OTUD7A: variants seen among roughly 807,000 people sequenced by gnomAD.
The protein encoded by OTUD7A is OTU deubiquitinase 7A.
OTUD7A carries 12 observed loss-of-function variants against 65.7 expected under a neutral mutation model. The ratio of observed to expected loss-of-function variants is 0.18; its 90% CI spans 0.12 to 0.30. OTUD7A has a LOEUF of 0.30. OTUD7A is among the 10% of genes least tolerant of loss of function. OTUD7A has a pLI of 1.00. For missense variants in OTUD7A, 1,148 were observed against 1,304.8 expected, an observed-to-expected ratio of 0.88 and a Z score of 1.85; for synonymous variants, 641 against 586.3, an observed-to-expected ratio of 1.09 and a Z score of -1.35.
chr15:31,675,135 A>G (rs1595701794), intron 1 of OTUD7A, among the ~76,000 whole-genome samples: 2 of 150,554 alleles, frequency 1.3e-5, no homozygotes, highest in African/African-American at 5.0e-5. Context: ...CCATTTATAA[A>G]CATAGATGTA....
Position 31,503,838 on chromosome 15 carries a change from C to G in OTUD7A, c.894-20G>C. On this transcript the variant is annotated intron_variant, in intron 8 of 12. Transcript: ENST00000307050. ...TCCACACTGTGAAACAAAACAGAGCCAGCTGGTCACTGACTAAAACAGGGT... is the reference window on the plus strand; with the variant it reads ...TCCACACTGTGAAACAAAACAGAGCGAGCTGGTCACTGACTAAAACAGGGT... The G allele has an allele frequency of 6.2e-7, 1 of 1,613,838 alleles. No homozygotes were observed. The highest frequency in any genetic ancestry group is 8.5e-7 in the Non-Finnish European group (1 of 1,179,952).
intron 3 of OTUD7A, among the ~76,000 whole-genome samples, chr15:31,629,728 G>A (rs1465284830): frequency 6.6e-6 from 1 of 151,984 alleles, no homozygotes; most frequent in Admixed American, 6.6e-5. Flanking sequence ...GGTCCTGGAC[G>A]TTTTTGGTTG....
At chr15:31,577,494 C>T (rs1014013536) in intron 3 of OTUD7A, among the ~76,000 whole-genome samples, 3 of 152,152 alleles carry the variant, frequency 2.0e-5, no homozygotes, top group Non-Finnish European at 4.4e-5. Flanking sequence ...ATCTTTGAGA[C>T]GTCCCACCTT....
chr15:31,604,427 C>T (rs1890174868), intron 3 of OTUD7A, among the ~76,000 whole-genome samples: 1 of 151,760 alleles, frequency 6.6e-6, no homozygotes. Context: ...GGGAACATCA[C>T]ACATCGGGGC....
In OTUD7A at chr15:31,484,664, C is replaced by T. The variant is rs1449566409; in HGVS notation, c.1432G>A (p.Ala478Thr). Residue 478 changes from alanine (A) to threonine (T), a missense_variant, in exon 13 of 13, where the codon GCC (alanine) becomes ACC (threonine). Coordinates refer to ENST00000307050, the MANE Select transcript of OTUD7A (RefSeq NM_001382637.1). The surrounding 1 kb of genome is among the most constrained non-coding windows in gnomAD (Gnocchi z 4.5). The stretch of plus-strand genomic sequence containing the variant: ...TCGCGGTCCGAGTCCAGCGAGTCGG[C>T]CAGGGACTGCACGTCCTCCCCTGCC... The part of the protein sequence containing the change: ...ASAGEDVQSL[A>T]DSLDSDRDSV... 2 of 1,582,254 alleles carry T rather than the reference C, an allele frequency of 1.3e-6. No individual in the cohort carries two copies. Among genetic ancestry groups the T allele is most frequent in the African/African-American group, 1.3e-5 (1 of 74,572 alleles).
chr15:31,748,064 C>T (rs927149854), intron 1 of OTUD7A, among the ~76,000 whole-genome samples: 5 of 152,024 alleles, frequency 3.3e-5, no homozygotes, highest in Admixed American at 1.3e-4. Flanking sequence ...TTAAGTGCAA[C>T]CTAAGATCCT....
In OTUD7A at chr15:31,483,803, C is replaced by T; in HGVS notation, c.2293G>A (p.Val765Met). Residue 765 changes from valine (V) to methionine (M), a missense_variant, in exon 13 of 13, where the codon GTG (valine) becomes ATG (methionine). Coordinates refer to ENST00000307050, the MANE Select transcript of OTUD7A (RefSeq NM_001382637.1). ...GARRASASGPVPGRSPPAPAR... is the reference protein window; with the variant it reads ...GARRASASGPMPGRSPPAPAR... ...GGCGCCGGGGGGCTGCGGCCAGGCA[C>T]TGGTCCGCTGGCGCTCGCACGCCGC... 3 of 1,015,190 alleles carry T rather than the reference C, an allele frequency of 3.0e-6. No homozygotes were observed. The highest frequency in any genetic ancestry group is 3.5e-6 in the Non-Finnish European group (3 of 851,402). 62.9% of individuals were successfully genotyped at this position (1,015,190 alleles called of 1,614,324 possible).
chr15:31,804,113 C>T lies in OTUD7A; in HGVS notation c.-100+66394G>A, dbSNP rs563728789. Among the ~76,000 whole-genome samples, 11 of 152,322 alleles carry T rather than the reference C, an allele frequency of 7.2e-5. 1 individual carries two copies. The South Asian group carries it at 2.3e-3, about 32-fold the overall frequency. On this transcript the variant is annotated intron_variant, in intron 1 of 12. Transcript: ENST00000307050. Reference sequence around the variant, plus strand: ...TCATTACACAGTCCTCAGCCTTTACCTACTATTCACCCCTAACTCTTCAGG... The same window carrying T: ...TCATTACACAGTCCTCAGCCTTTACTTACTATTCACCCCTAACTCTTCAGG...
chr15:31,629,713 C>T (rs187820740), intron 3 of OTUD7A, among the ~76,000 whole-genome samples: 63 of 152,262 alleles, frequency 4.1e-4, no homozygotes, highest in East Asian at 1.9e-3. Flanking sequence ...GCTGTGAATC[C>T]ATCTGGTCCT....
chr15:31,745,391 T>C (rs117911185), intron 1 of OTUD7A, among the ~76,000 whole-genome samples: 5,740 of 152,064 alleles, frequency 0.038, 162 homozygotes, highest in Non-Finnish European at 0.052. Flanking sequence ...TAGTACAAAA[T>C]ACAGGAGAGC....
chr15:31,669,066 A>C (rs1892408458), intron 1 of OTUD7A, among the ~76,000 whole-genome samples: 1 of 152,184 alleles, frequency 6.6e-6, no homozygotes, highest in African/African-American at 2.4e-5. Context: ...GGTGGGGTCA[A>C]ATGGACTCTG....
At chr15:31,581,234 T>C (rs1889361731) in intron 3 of OTUD7A, among the ~76,000 whole-genome samples, 1 of 152,230 alleles carries the variant, frequency 6.6e-6, no homozygotes, top group Admixed American at 6.5e-5. Flanking sequence ...CTTGGGCAGC[T>C]CCACCCTGTG....
chr15:31,808,136 C>CACACAAAAAAAAA (rs772574742), intron 1 of OTUD7A, among the ~76,000 whole-genome samples: 3 of 119,414 alleles, frequency 2.5e-5, no homozygotes, highest in African/African-American at 5.6e-5. Context: ...CACACACACA[C>CACACAAAAAAAAA]AAACAAATCC....
intron 8 of OTUD7A, among the ~76,000 whole-genome samples, chr15:31,504,762 T>A (rs2041533662): frequency 6.6e-6 from 1 of 152,200 alleles, no homozygotes; most frequent in Non-Finnish European, 1.5e-5. Flanking sequence ...GCTTCATGGG[T>A]TCATGGGCAC....
Position 31,618,044 on chromosome 15 carries a change from T to C in OTUD7A, c.151+37052A>G, listed in dbSNP as rs532232228. Among the ~76,000 whole-genome samples the C allele has an allele frequency of 3.3e-5, 5 of 152,202 alleles. No individual in the cohort carries two copies. The South Asian group carries it at 1.0e-3, about 32-fold the overall frequency. On this transcript the variant is annotated intron_variant, in intron 3 of 12. Transcript: ENST00000307050. ...ACATGCGGTGTTTGGTTTTTTGTTC[T>C]TGTGATAGTTTGCTGAGAATGATGG...
intron 1 of OTUD7A, among the ~76,000 whole-genome samples, chr15:31,822,370 A>T (rs1328449813): frequency 6.6e-6 from 1 of 152,148 alleles, no homozygotes; most frequent in Non-Finnish European, 1.5e-5. Context: ...GGCATCACGG[A>T]CCCCGCACCC....
At chr15:31,814,917 T>C (rs1456668717) in intron 1 of OTUD7A, among the ~76,000 whole-genome samples, 3 of 152,174 alleles carry the variant, frequency 2.0e-5, no homozygotes, top group African/African-American at 7.2e-5. Context: ...TATCTATTCA[T>C]TATACCACAG....
chr15:31,482,150 A>G lies in OTUD7A; in HGVS notation c.*1144T>C, dbSNP rs552712104. 23 of 152,346 alleles carry G rather than the reference A, an allele frequency of 1.5e-4. No individual in the cohort carries two copies. Among genetic ancestry groups the G allele is most frequent in the African/African-American group, 5.5e-4 (23 of 41,586 alleles). 9.4% of individuals were successfully genotyped at this position (152,346 alleles called of 1,614,324 possible). A position where few individuals can be genotyped will look rare whatever the true frequency, so the allele number is the denominator to read the frequency against. On this transcript the variant is annotated 3_prime_UTR_variant, in exon 13 of 13. Coordinates refer to ENST00000307050, the MANE Select transcript of OTUD7A (RefSeq NM_001382637.1). The stretch of plus-strand genomic sequence containing the variant: ...CAAGAAATGTAGGAGGCACCAAAAA[A>G]GAGACCGCTCAGGGATCGGGCTGCT...
rs1425189468 is a variant in OTUD7A, at chr15:31,632,685, T to C, written c.151+22411A>G. ...GGACATTTAAGTTTGCAGAGGTTAC[T>C]GCTGTCTTTTTGTTTGTCTGTGCCC... On this transcript the variant is annotated intron_variant, in intron 3 of 12. Coordinates refer to ENST00000307050, the MANE Select transcript of OTUD7A (RefSeq NM_001382637.1). 2.0e-5 allele frequency among the ~76,000 whole-genome samples: 3 copies of C among 152,238 alleles called. No individual in the cohort carries two copies. In the East Asian group the frequency reaches 5.8e-4, roughly 29 times the overall value.
Sources: allele counts gnomAD v4.1 joint callset (sites outside exome capture counted in the v4.1 genomes callset), GRCh38; gene constraint gnomAD v4.1.1; non-coding constraint Gnocchi (gnomAD v3.1); transcripts MANE v1.5; gene names NCBI Gene and HGNC (gene_info 2026-07-23, HGNC 2026-07-21).